The following FBXO33 variants were observed in gnomAD, a reference collection of about 807,000 sequenced individuals.
The protein encoded by FBXO33 is F-box only protein 33.
In FBXO33, 22 loss-of-function variants were observed where a neutral mutation model predicts 46.3. That is an observed-to-expected ratio of 0.48 (90% CI 0.34 to 0.68). The LOEUF is 0.68. FBXO33 is among the 30% of genes least tolerant of loss of function. The pLI is 0.01. For synonymous variants in FBXO33, 337 were observed against 291.3 expected (o/e 1.16, Z -1.60); for missense variants, 692 against 708.8 (o/e 0.98, Z 0.27).
intron 1 of FBXO33, among the ~76,000 whole-genome samples, chr14:39,403,394 G>C (rs1283756702): frequency 6.6e-6 from 1 of 152,104 alleles, no homozygotes; most frequent in African/African-American, 2.4e-5. Flanking sequence ...TCGGGAGTTC[G>C]AGACCAGCCT....
rs913387616 is a variant in FBXO33, at chr14:39,398,215, C to T, written c.*1301G>A. 1.3e-5 allele frequency: 2 copies of T among 152,682 alleles called. No homozygotes were observed. The highest frequency in any genetic ancestry group is 2.4e-5 in the African/African-American group (1 of 41,464). 9.5% of individuals were successfully genotyped at this position (152,682 alleles called of 1,614,324 possible). ...AGACTGTCCTTTAACATTAAATGCA[C>T]AACATTCGTACCACTTAAAACTGGG... On this transcript the variant is annotated 3_prime_UTR_variant, in exon 4 of 4. Coordinates refer to ENST00000298097, the MANE Select transcript of FBXO33 (RefSeq NM_203301.4).
rs1459682804 is a variant in FBXO33 at position 39,432,021 on chromosome 14, G to A, written c.142C>T (p.Arg48Trp). The change falls in exon 1 of 4, where the codon CGG becomes TGG. Residue 48 changes from arginine (R) to tryptophan (W), a missense_variant. Transcript: ENST00000298097. The stretch of plus-strand genomic sequence containing the variant: ...CGCCGCCGGCTGCCGGCTCCCGGCC[G>A]CCCCCGCAGTACCCGGAGCAGCCCC... Reference protein sequence around the residue: ...LRGLLRVLRGRPGAGSRRRGR... With the variant: ...LRGLLRVLRGWPGAGSRRRGR... The A allele has an allele frequency of 1.1e-5, 15 of 1,406,586 alleles. No individual in the cohort carries two copies. The highest frequency in any genetic ancestry group is 1.4e-5 in the Non-Finnish European group (15 of 1,091,556). The allele number at this position is 1,406,586 out of a possible 1,614,324, so 87.1% of individuals were successfully genotyped here. A position where few individuals can be genotyped will look rare whatever the true frequency, so the allele number is the denominator to read the frequency against.
In FBXO33 at chr14:39,432,328, A is replaced by C. The variant is rs971361581; in HGVS notation, c.-166T>G. 2.3e-6 allele frequency: 1 copy of C among 437,202 alleles called. No homozygotes were observed. Among genetic ancestry groups the C allele is most frequent in the African/African-American group, 2.1e-5 (1 of 47,856 alleles). 27.1% of individuals were successfully genotyped at this position (437,202 alleles called of 1,614,324 possible). A position where few individuals can be genotyped will look rare whatever the true frequency, so the allele number is the denominator to read the frequency against. On this transcript the variant is annotated 5_prime_UTR_variant, in exon 1 of 4. Coordinates refer to ENST00000298097, the MANE Select transcript of FBXO33 (RefSeq NM_203301.4). Reference sequence around the variant, plus strand: ...GCGTCCGAGGCCGGCACACTGAGTAACTGCACTGCCCTCGCTCGTAAACTT... The same window carrying C: ...GCGTCCGAGGCCGGCACACTGAGTACCTGCACTGCCCTCGCTCGTAAACTT...
intron 1 of FBXO33, among the ~76,000 whole-genome samples, chr14:39,410,050 G>A (rs1476225876): frequency 6.6e-6 from 1 of 152,006 alleles, no homozygotes; most frequent in African/African-American, 2.4e-5. Context: ...TCCGGCTAGA[G>A]CTTCCAATAC....
rs187490719 is a variant in FBXO33 at position 39,404,622 on chromosome 14, G to A, written c.600-2111C>T. ...ATTACAGGCGTGAGCCACCGTGCCC[G>A]GCTTTAAATGGATCTTAAGAATAAG... On this transcript the variant is annotated intron_variant, in intron 1 of 3. Transcript: ENST00000298097. 8.0e-4 allele frequency among the ~76,000 whole-genome samples: 121 copies of A among 152,048 alleles called. 1 individual carries two copies. The highest frequency in any genetic ancestry group is 1.4e-3 in the East Asian group (7 of 5,118).
rs1422462491 is a variant in FBXO33, at chr14:39,431,965, C to T, written c.198G>A (p.Ala66=). 2.6e-6 allele frequency: 4 copies of T among 1,527,004 alleles called. No individual in the cohort carries two copies. The highest frequency in any genetic ancestry group is 2.6e-6 in the Non-Finnish European group (3 of 1,143,248). The allele number at this position is 1,527,004 out of a possible 1,614,324, so 94.6% of individuals were successfully genotyped here. ...GCTCGCTGGGCAGCGACGCAGCGCC[C>T]GCCGCCTGCCCGCACAGAGCCATCC... The part of the protein sequence containing the change: ...RGRMALCGQA[A]GAASLPSELI... Residue 66 remains alanine (A), a synonymous_variant, in exon 1 of 4, where the codon GCG becomes GCA. Coordinates refer to ENST00000298097, the MANE Select transcript of FBXO33 (RefSeq NM_203301.4).
intron 1 of FBXO33, among the ~76,000 whole-genome samples, chr14:39,410,503 G>T (rs2075417554): frequency 6.6e-6 from 1 of 152,134 alleles, no homozygotes; most frequent in Non-Finnish European, 1.5e-5. Flanking sequence ...TAGTGTCCTT[G>T]TCTGGCTTTG....
rs1321009266 is a variant in FBXO33, at chr14:39,431,565, T to C, written c.598A>G (p.Arg200Gly). ...LCVLVSIRNN[R>G]NLQKFSLFGD... Reference sequence around the variant, plus strand: ...GGGCGGGGCTCAGGGCAAGCCTACCTGTTGTTCCGGATGCTGACCAGCACG... The same window carrying C: ...GGGCGGGGCTCAGGGCAAGCCTACCCGTTGTTCCGGATGCTGACCAGCACG... The change falls in exon 1 of 4, where the codon AGG becomes GGG. Residue 200 changes from arginine to glycine, a missense_variant and splice_region_variant. By Grantham distance (125) the Arg-to-Gly change is moderately radical (BLOSUM62 -2). This residue lies in a region of FBXO33 where 412 missense variants were observed against 370.8 expected (regional missense o/e 1.11). Coordinates refer to ENST00000298097, the MANE Select transcript of FBXO33 (RefSeq NM_203301.4). The C allele has an allele frequency of 1.2e-6, 2 of 1,611,794 alleles. No individual in the cohort carries two copies. Among genetic ancestry groups the C allele is most frequent in the Non-Finnish European group, 1.7e-6 (2 of 1,179,990 alleles).
intron 1 of FBXO33, among the ~76,000 whole-genome samples, chr14:39,407,647 C>G (rs561629888): frequency 1.3e-5 from 2 of 152,244 alleles, no homozygotes; most frequent in African/African-American, 4.8e-5. Context: ...TTTTTAAAGG[C>G]TTAATATTAT....
At chr14:39,424,793 G>A (rs2075502899) in intron 1 of FBXO33, among the ~76,000 whole-genome samples, 1 of 152,150 alleles carries the variant, frequency 6.6e-6, no homozygotes. Flanking sequence ...AGTGACTCAG[G>A]CCTGTAATCC....
At chr14:39,405,454 C>T (rs1256714669) in intron 1 of FBXO33, among the ~76,000 whole-genome samples, 1 of 151,370 alleles carries the variant, frequency 6.6e-6, no homozygotes, top group African/African-American at 2.4e-5. Context: ...TTCTTTCTTA[C>T]TGGGATAGGG....
chr14:39,428,451 C>T (rs1263426740), intron 1 of FBXO33, among the ~76,000 whole-genome samples: 2 of 152,250 alleles, frequency 1.3e-5, no homozygotes, highest in African/African-American at 4.8e-5. Flanking sequence ...CCACCCGTCT[C>T]GGCCTCCCAG....
At position 39,398,999 on chromosome 14, in the gene FBXO33, A is replaced by G. The variant is rs2075356394; in HGVS notation, c.*517T>C. 6.6e-6 allele frequency: 1 copy of G among 152,524 alleles called. No homozygotes were observed. Among genetic ancestry groups the G allele is most frequent in the Admixed American group, 6.5e-5 (1 of 15,290 alleles). 9.4% of individuals were successfully genotyped at this position (152,524 alleles called of 1,614,324 possible). On this transcript the variant is annotated 3_prime_UTR_variant, in exon 4 of 4. Transcript: ENST00000298097. ...GATATCAACTATTAGATATGTAATG[A>G]AAGTTAAAGTCTTGGCTTTTCTGTT...
At chr14:39,400,932 G>GA (rs1185959859) in intron 3 of FBXO33, among the ~76,000 whole-genome samples, 2 of 152,162 alleles carry the variant, frequency 1.3e-5, no homozygotes, top group Non-Finnish European at 2.9e-5. Context: ...GATTTTTTAT[G>GA]AAATACTGCC....
At chr14:39,409,154 C>T (rs866533940) in intron 1 of FBXO33, among the ~76,000 whole-genome samples, 29 of 152,086 alleles carry the variant, frequency 1.9e-4, no homozygotes, top group African/African-American at 5.3e-4. Flanking sequence ...ACCACAAAGT[C>T]ATTACCAAGA....
At position 39,399,656 on chromosome 14, in the gene FBXO33, C is replaced by A; in HGVS notation, c.1528G>T (p.Val510Leu). Residue 510 changes from valine to leucine, a missense_variant, in exon 4 of 4, where the codon GTG becomes TTG. Physicochemically the swap from Val to Leu is conservative, Grantham distance 32. This residue lies in a region of FBXO33 where 94 missense variants were observed against 91.9 expected (regional missense o/e 1.02). Transcript: ENST00000298097. ...GATACCTGCTCAATAAGGTTATGCA[C>A]TGGATCTACATCCTGGTCGGCCAGT... ...GELADQDVDPVHNLIEQVSLG... is the reference protein window; with the variant it reads ...GELADQDVDPLHNLIEQVSLG... 1 of 1,614,086 alleles carries A rather than the reference C, an allele frequency of 6.2e-7. No homozygotes were observed. The highest frequency in any genetic ancestry group is 1.7e-5 in the Admixed American group (1 of 60,006).
Position 39,431,977 on chromosome 14 carries a change from G to A in FBXO33, c.186C>T (p.Cys62=). ...GSRRRGRMAL[C]GQAAGAASLP... ...GCGACGCAGCGCCCGCCGCCTGCCCGCACAGAGCCATCCGGCCCCGCCGCC... is the reference window on the plus strand; with the variant it reads ...GCGACGCAGCGCCCGCCGCCTGCCCACACAGAGCCATCCGGCCCCGCCGCC... The change falls in exon 1 of 4, where the codon TGC becomes TGT. Residue 62 remains cysteine, a synonymous_variant. Coordinates refer to ENST00000298097, the MANE Select transcript of FBXO33 (RefSeq NM_203301.4). The A allele has an allele frequency of 1.3e-6, 2 of 1,517,150 alleles. No homozygotes were observed. Among genetic ancestry groups the A allele is most frequent in the Non-Finnish European group, 1.8e-6 (2 of 1,139,636 alleles). 94.0% of individuals were successfully genotyped at this position (1,517,150 alleles called of 1,614,324 possible).
At chr14:39,401,025 A>G (rs541994705) in intron 3 of FBXO33, 151 bp downstream of exon 3, 14 of 668,182 alleles carry the variant, frequency 2.1e-5, no homozygotes, top group African/African-American at 2.0e-4. Flanking sequence ...TGTAAGTGAT[A>G]TATCTTGCAA....
intron 1 of FBXO33, among the ~76,000 whole-genome samples, chr14:39,429,855 G>A (rs901661962): frequency 2.6e-5 from 4 of 152,140 alleles, no homozygotes; most frequent in African/African-American, 7.2e-5. Flanking sequence ...GGAAGAGAAG[G>A]ACAGGAGAAT....
Sources: allele counts gnomAD v4.1 joint callset (sites outside exome capture counted in the v4.1 genomes callset), GRCh38; gene constraint gnomAD v4.1.1; regional missense constraint gnomAD v4.1.1; transcripts MANE v1.5; gene names NCBI Gene and HGNC (gene_info 2026-07-23, HGNC 2026-07-21).